Variants in ADCY9 observed in about 807,000 individuals in gnomAD.
ADCY9 encodes adenylate cyclase type 9.
A neutral mutation model predicts 101.5 loss-of-function variants in ADCY9; 50 were observed. The ratio of observed to expected loss-of-function variants is 0.49; its 90% confidence interval spans 0.39 to 0.62. The LOEUF is 0.62. Among genes scored for constraint, ADCY9 ranks in the 20% least tolerant of loss-of-function variants. The pLI is 0.00. For missense variants in ADCY9, 1,662 were observed against 1,800.4 expected (o/e 0.92, Z 1.39); for synonymous variants, 905 against 769.3 (o/e 1.18, Z -2.92).
Position 4,115,200 on chromosome 16 carries a change from C to A in ADCY9, c.243G>T (p.Gln81His). The change falls in exon 2 of 11, where the codon CAG (glutamine) becomes CAT (histidine). Residue 81 changes from glutamine to histidine, a missense_variant. By Grantham distance (24) the Gln-to-His change is conservative (BLOSUM62 0). Transcript: ENST00000294016. This position sits in a 1 kb window ranked among gnomAD's most constrained non-coding sequence, Gnocchi z 6.2. ...GRLRRQKKLP[Q>H]LFERASSRWW... The stretch of plus-strand genomic sequence containing the variant: ...AGCGGCTGGAGGCCCTCTCGAACAG[C>A]TGGGGCAGCTTCTTCTGCCTGCGCA... The A allele has an allele frequency of 6.2e-7, 1 of 1,613,672 alleles. No homozygotes were observed. The highest frequency in any genetic ancestry group is 8.5e-7 in the Non-Finnish European group (1 of 1,179,932).
intron 2 of ADCY9, chr16:4,015,759 G>C (rs184982235): frequency 6.6e-6 from 1 of 152,148 alleles, no homozygotes; most frequent in South Asian, 2.1e-4. Context: ...TTGAGGTCGG[G>C]AGTTCAAGAC....
At chr16:4,087,717 T>C (rs947211476) in intron 2 of ADCY9, among the ~76,000 whole-genome samples, 1 of 151,538 alleles carries the variant, frequency 6.6e-6, no homozygotes, top group African/African-American at 2.4e-5. Flanking sequence ...AGCAATCCTG[T>C]TACTATTTGC....
chr16:4,045,823 C>G (rs1251654906), intron 2 of ADCY9, among the ~76,000 whole-genome samples: 1 of 150,350 alleles, frequency 6.7e-6, no homozygotes, highest in African/African-American at 2.4e-5. Flanking sequence ...CTCAGCCGCC[C>G]GAGTAGCTGG....
At chr16:4,011,907 A>G (rs2601785) in intron 2 of ADCY9, among the ~76,000 whole-genome samples, 144,090 of 152,054 alleles carry the variant, frequency 0.95, 68,709 homozygotes, top group East Asian at 1. Flanking sequence ...AGGGCTTACC[A>G]CACAGCTCGC....
chr16:3,983,666 C>A (rs559344466), intron 6 of ADCY9: 3 of 558,176 alleles, frequency 5.4e-6, no homozygotes, highest in Non-Finnish European at 9.6e-6. Flanking sequence ...CGGTGGCTCA[C>A]GCCTGTAATC....
chr16:3,994,075 C>G (rs2056268880), intron 3 of ADCY9, among the ~76,000 whole-genome samples: 1 of 152,094 alleles, frequency 6.6e-6, no homozygotes, highest in Admixed American at 6.6e-5. Flanking sequence ...AATCCTAATT[C>G]CCAAGGGGAT....
chr16:4,062,350 C>A (rs2056778177), intron 2 of ADCY9, among the ~76,000 whole-genome samples: 1 of 152,030 alleles, frequency 6.6e-6, no homozygotes, highest in South Asian at 2.1e-4. Context: ...AGATGTGAGA[C>A]AGAGAAAACA....
chr16:4,099,746 TG>T (rs2057030516), intron 2 of ADCY9, among the ~76,000 whole-genome samples: 1 of 152,174 alleles, frequency 6.6e-6, no homozygotes, highest in Non-Finnish European at 1.5e-5. Flanking sequence ...AAATCACCTT[TG>T]GAGGACGTTA....
In ADCY9 at chr16:4,033,432, A is replaced by ATTT. The variant is rs71133683; in HGVS notation, c.1694-25877_1694-25875dup. ...CCCTCAGCAGTCTCTCCTTGAAGTA[A>ATTT]TTTTTTTTTTTTTTTTTTTTGAGAC... is the stretch of plus-strand genomic sequence containing the variant. On this transcript the variant is annotated intron_variant, in intron 2 of 10. Coordinates refer to ENST00000294016, the MANE Select transcript of ADCY9 (RefSeq NM_001116.4). 1.9e-3 allele frequency among the ~76,000 whole-genome samples: 234 copies of ATTT among 125,926 alleles called. 2 individuals are homozygous for ATTT. Among genetic ancestry groups the ATTT allele is most frequent in the South Asian group, 0.018 (65 of 3,670 alleles). 82.6% of individuals were successfully genotyped at this position (125,926 alleles called of 152,430 possible).
chr16:3,967,288 C>A (rs981865338), intron 10 of ADCY9, among the ~76,000 whole-genome samples: 6 of 152,028 alleles, frequency 3.9e-5, no homozygotes, highest in African/African-American at 1.5e-4. Flanking sequence ...CTGTGCCCAG[C>A]CCTGTAACTA....
rs754619679 is a variant in ADCY9, at chr16:3,965,843, C to T, written c.3994G>A (p.Asp1332Asn). 28 of 1,614,092 alleles carry T rather than the reference C, an allele frequency of 1.7e-5. No homozygotes were observed. In the Admixed American group the frequency reaches 2.8e-4, roughly 16 times the overall value. ...TCTTCTATTCCTGTTTCGTCACAGTCGTCTTTCTCTATGGCTTTGCCAAAT... is the reference window on the plus strand; with the variant it reads ...TCTTCTATTCCTGTTTCGTCACAGTTGTCTTTCTCTATGGCTTTGCCAAAT... Reference protein sequence around the residue: ...GRFGKAIEKDDCDETGIEEAN... With the variant: ...GRFGKAIEKDNCDETGIEEAN... The change falls in exon 11 of 11, where the codon GAC becomes AAC. Residue 1332 changes from aspartate to asparagine, a missense_variant. Transcript: ENST00000294016.
At position 4,115,843 on chromosome 16, in the gene ADCY9, G is replaced by C. The variant is rs1346580598; in HGVS notation, c.-197C>G. ...CCTCCTCCAGCTGCGGCTCCGGAGG[G>C]AAGTTCAGACCTTGAGCGCTCCCAG... On this transcript the variant is annotated 5_prime_UTR_variant, in exon 1 of 11. Coordinates refer to ENST00000294016, the MANE Select transcript of ADCY9 (RefSeq NM_001116.4). This position sits in a 1 kb window ranked among gnomAD's most constrained non-coding sequence, Gnocchi z 6.2. The C allele has an allele frequency of 1.5e-5, 6 of 402,498 alleles. No individual in the cohort carries two copies. In the East Asian group the frequency reaches 1.8e-4, roughly 12 times the overall value. The allele number at this position is 402,498 out of a possible 1,614,324, so 24.9% of individuals were successfully genotyped here.
chr16:4,103,073 G>C (rs1461017539), intron 2 of ADCY9, among the ~76,000 whole-genome samples: 1 of 152,230 alleles, frequency 6.6e-6, no homozygotes, highest in Non-Finnish European at 1.5e-5. Flanking sequence ...AGATTTACCA[G>C]AATCACAAAA....
chr16:4,028,959 A>G (rs1321078774), intron 2 of ADCY9, among the ~76,000 whole-genome samples: 1 of 151,828 alleles, frequency 6.6e-6, no homozygotes, highest in Non-Finnish European at 1.5e-5. Flanking sequence ...TAATTTTCGT[A>G]TTTTTAGTAG....
chr16:4,032,783 T>A (rs895126045), intron 2 of ADCY9: 3 of 152,422 alleles, frequency 2.0e-5, no homozygotes, highest in African/African-American at 7.2e-5. Flanking sequence ...AGTGCTCGGA[T>A]TACAGGCATG....
Position 4,114,328 on chromosome 16 carries a change from T to C in ADCY9, c.1115A>G (p.Lys372Arg). 1.2e-6 allele frequency: 2 copies of C among 1,613,960 alleles called. No homozygotes were observed. The highest frequency in any genetic ancestry group is 1.7e-6 in the Non-Finnish European group (2 of 1,180,032). Residue 372 changes from lysine (K) to arginine (R), a missense_variant, in exon 2 of 11, where the codon AAG (lysine) becomes AGG (arginine). Coordinates refer to ENST00000294016, the MANE Select transcript of ADCY9 (RefSeq NM_001116.4). The surrounding 1 kb of genome is among the most constrained non-coding windows in gnomAD (Gnocchi z 4.3). The part of the protein sequence containing the change: ...ATSSPKNRKK[K>R]SSIQKAPIAF... ...TATAGGAGCTTTTTGGATGGAAGAC[T>C]TTTTCTTCCTGTTCTTGGGGCTCGA...
Position 4,116,357 on chromosome 16 carries a change from G to A in ADCY9, c.-711C>T, listed in dbSNP as rs1170561350. Among the ~76,000 whole-genome samples the A allele has an allele frequency of 6.9e-6, 1 of 145,632 alleles. No individual in the cohort carries two copies. On this transcript the variant is annotated 5_prime_UTR_variant, in exon 1 of 11. Transcript: ENST00000294016. ...TAGAGATGCGGCCGCCGCCGCGCCCGCCGCCGTGTCCCCCGCGGCCGCTGC... is the reference window on the plus strand; with the variant it reads ...TAGAGATGCGGCCGCCGCCGCGCCCACCGCCGTGTCCCCCGCGGCCGCTGC...
chr16:4,100,523 G>C (rs1386448448), intron 2 of ADCY9, among the ~76,000 whole-genome samples: 2 of 151,928 alleles, frequency 1.3e-5, no homozygotes, highest in African/African-American at 4.8e-5. Context: ...TAGACACGGG[G>C]TTTTGCCATG....
chr16:4,007,335 T>G, intron 3 of ADCY9, 33 bp downstream of exon 3: 1 of 1,497,076 alleles, frequency 6.7e-7, no homozygotes, highest in South Asian at 1.4e-5. Context: ...TAGAAAGTTT[T>G]AGAAGTAGGA....
Sources: gnomAD v4.1 joint callset for allele counts (sites outside exome capture counted in the v4.1 genomes callset) on GRCh38, gnomAD v4.1.1 for gene constraint, Gnocchi (gnomAD v3.1) non-coding constraint, MANE v1.5 for transcripts, NCBI Gene and HGNC (gene_info 2026-07-23, HGNC 2026-07-21) for gene names.